Variants in ST6GALNAC3 observed in about 807,000 individuals in gnomAD.
ST6GALNAC3 encodes alpha-N-acetylgalactosaminide alpha-2,6-sialyltransferase 3.
Under a neutral mutation model 32.7 loss-of-function variants are expected in ST6GALNAC3, and 25 were observed. The ratio of observed to expected loss-of-function variants is 0.76; its 90% CI spans 0.56 to 1.07. The LOEUF (loss-of-function observed/expected upper bound fraction) is 1.07, where lower values mean the gene tolerates loss of function less well. ST6GALNAC3 is among the 50% of genes least tolerant of loss of function. The pLI, the probability that ST6GALNAC3 is intolerant of heterozygous loss-of-function variation, is 0.00. For synonymous variants in ST6GALNAC3, 129 were observed against 133.1 expected (o/e 0.97, Z 0.21); for missense variants, 355 against 382.4 (o/e 0.93, Z 0.60).
intron 1 of ST6GALNAC3, among the ~76,000 whole-genome samples, chr1:76,118,214 C>T (rs1171190379): frequency 1.3e-5 from 2 of 152,130 alleles, no homozygotes; most frequent in African/African-American, 4.8e-5. Context: ...TGTCCAAATC[C>T]CCCTTATGAA....
intron 3 of ST6GALNAC3, among the ~76,000 whole-genome samples, chr1:76,483,764 G>A (rs995601786): frequency 4.6e-5 from 7 of 152,140 alleles, no homozygotes; most frequent in African/African-American, 1.7e-4. Flanking sequence ...TGTTGCCATT[G>A]CTCTTTGTGT....
At chr1:76,541,018 A>G (rs1663956263) in intron 3 of ST6GALNAC3, among the ~76,000 whole-genome samples, 1 of 152,148 alleles carries the variant, frequency 6.6e-6, no homozygotes, top group Admixed American at 6.6e-5. Context: ...AGAGTCAGAG[A>G]GTTCAGAGGA....
chr1:76,588,175 G>A (rs534321311), intron 3 of ST6GALNAC3, among the ~76,000 whole-genome samples: 1 of 152,126 alleles, frequency 6.6e-6, no homozygotes, highest in East Asian at 1.9e-4. Flanking sequence ...TGAATGCTTA[G>A]TAGCCACAGG....
At chr1:76,411,894 G>A in intron 2 of ST6GALNAC3, 114 bp from the exon 3 acceptor site, 1 of 1,168,078 alleles carries the variant, frequency 8.6e-7, no homozygotes, top group Admixed American at 2.7e-5. Flanking sequence ...AGGTACTTCA[G>A]AGATATTTCC....
chr1:76,415,171 CTTTTTTT>C (rs71072000), intron 3 of ST6GALNAC3, among the ~76,000 whole-genome samples: 6 of 70,462 alleles, frequency 8.5e-5, no homozygotes, highest in Admixed American at 3.5e-4. Flanking sequence ...GGATTCATGT[CTTTTTTT>C]TTTTTTTTTT....
In ST6GALNAC3 at chr1:76,355,020, C is replaced by G. The variant is rs552771491; in HGVS notation, c.213+41021C>G. Among the ~76,000 whole-genome samples, 4 of 152,282 alleles carry G rather than the reference C, an allele frequency of 2.6e-5. No homozygotes were observed. In the East Asian group the frequency reaches 7.7e-4, roughly 29 times the overall value. On this transcript the variant is annotated intron_variant, in intron 2 of 4. Coordinates refer to ENST00000328299, the MANE Select transcript of ST6GALNAC3 (RefSeq NM_152996.4). Reference sequence around the variant, plus strand: ...ACTGAAACAGAATTTAAGTCCTTAGCATCTTATCTGGATGTTAAGAATTGC... The same window carrying G: ...ACTGAAACAGAATTTAAGTCCTTAGGATCTTATCTGGATGTTAAGAATTGC...
chr1:76,487,808 T>A (rs1294785923), intron 3 of ST6GALNAC3, among the ~76,000 whole-genome samples: 1 of 152,162 alleles, frequency 6.6e-6, no homozygotes, highest in African/African-American at 2.4e-5. Context: ...GCACTCTGAT[T>A]TTCAGAATTT....
chr1:76,088,362 T>G (rs1049384859), intron 1 of ST6GALNAC3, among the ~76,000 whole-genome samples: 6 of 152,202 alleles, frequency 3.9e-5, no homozygotes, highest in Non-Finnish European at 8.8e-5. Context: ...TAAAAGGAGC[T>G]TGCGGAAATG....
At chr1:76,536,624 C>G (rs982945981) in intron 3 of ST6GALNAC3, among the ~76,000 whole-genome samples, 8 of 135,978 alleles carry the variant, frequency 5.9e-5, no homozygotes, top group Non-Finnish European at 1.2e-4. Flanking sequence ...GGACACAGAG[C>G]CAGACCATAT....
At chr1:76,493,336 A>C (rs1660617921) in intron 3 of ST6GALNAC3, among the ~76,000 whole-genome samples, 1 of 152,218 alleles carries the variant, frequency 6.6e-6, no homozygotes. Context: ...TAACCCTTAG[A>C]GGAGGACTTG....
intron 3 of ST6GALNAC3, among the ~76,000 whole-genome samples, chr1:76,525,814 T>TATACATATATATACATATATAC (rs1557529086): frequency 1.0e-4 from 13 of 127,220 alleles, no homozygotes; most frequent in African/African-American, 3.2e-4. Context: ...TATATATATA[T>TATACATATATATACATATATAC]ATATATATAT....
intron 3 of ST6GALNAC3, among the ~76,000 whole-genome samples, chr1:76,458,042 AAAAC>A (rs1162930830): frequency 1.3e-5 from 2 of 149,094 alleles, no homozygotes; most frequent in African/African-American, 2.5e-5. Context: ...TTACAAGAAA[AAAAC>A]AAACAACCCC....
chr1:76,291,771 G>T (rs577326272), intron 1 of ST6GALNAC3, among the ~76,000 whole-genome samples: 1 of 152,230 alleles, frequency 6.6e-6, no homozygotes, highest in South Asian at 2.1e-4. Context: ...AAAAGGGAGG[G>T]CATCATTAAT....
intron 3 of ST6GALNAC3, among the ~76,000 whole-genome samples, chr1:76,597,768 G>A (rs1461393503): frequency 6.6e-6 from 1 of 152,102 alleles, no homozygotes; most frequent in Non-Finnish European, 1.5e-5. Flanking sequence ...AGAGTAATGG[G>A]TGAAAAGCAT....
chr1:76,180,758 G>A (rs1653126069), intron 1 of ST6GALNAC3, among the ~76,000 whole-genome samples: 2 of 152,118 alleles, frequency 1.3e-5, no homozygotes, highest in African/African-American at 2.4e-5. Context: ...CCAAACTCCA[G>A]GGGAAGATCA....
intron 1 of ST6GALNAC3, among the ~76,000 whole-genome samples, chr1:76,087,700 A>C (rs1238355148): frequency 6.6e-6 from 1 of 152,222 alleles, no homozygotes; most frequent in Non-Finnish European, 1.5e-5. Flanking sequence ...AGGTCATACT[A>C]CTAGTAGAAG....
At chr1:76,283,372 A>T (rs756167829) in intron 1 of ST6GALNAC3, among the ~76,000 whole-genome samples, 18 of 152,176 alleles carry the variant, frequency 1.2e-4, no homozygotes, top group Non-Finnish European at 2.1e-4. Context: ...TTATAATAGA[A>T]TCTTTATATT....
chr1:76,411,918 A>T lies in ST6GALNAC3; in HGVS notation c.214-90A>T. On this transcript the variant is annotated intron_variant, in intron 2 of 4. Coordinates refer to ENST00000328299, the MANE Select transcript of ST6GALNAC3 (RefSeq NM_152996.4). ...AGAGATATTTCCATATTTGGTAATT[A>T]TACAATATATGAACTTTTGTTTTCC... 2.9e-6 allele frequency: 4 copies of T among 1,363,918 alleles called. No homozygotes were observed. The South Asian group carries it at 5.7e-5, about 20-fold the overall frequency. The allele number at this position is 1,363,918 out of a possible 1,614,324, so 84.5% of individuals were successfully genotyped here. A position where few individuals can be genotyped will look rare whatever the true frequency, so the allele number is the denominator to read the frequency against.
intron 1 of ST6GALNAC3, among the ~76,000 whole-genome samples, chr1:76,177,932 AT>A (rs1652950329): frequency 6.6e-6 from 1 of 152,250 alleles, no homozygotes; most frequent in African/African-American, 2.4e-5. Flanking sequence ...AGAAATAGTC[AT>A]CTAGCAGTGT....
Sources: gnomAD v4.1 joint callset for allele counts (sites outside exome capture counted in the v4.1 genomes callset) on GRCh38, gnomAD v4.1.1 for gene constraint, MANE v1.5 for transcripts, NCBI Gene and HGNC (gene_info 2026-07-23, HGNC 2026-07-21) for gene names.